Variants in GRIK4 observed in about 807,000 individuals in gnomAD.
GRIK4 encodes the protein glutamate receptor ionotropic, kainate 4.
Under a neutral mutation model 104.9 loss-of-function variants are expected in GRIK4, and 40 were observed. That is an observed-to-expected ratio of 0.38 (90% CI 0.30 to 0.50). The LOEUF is 0.50. Ranked by LOEUF, GRIK4 falls within the 20% of genes least tolerant of loss-of-function variation. GRIK4 has a pLI of 0.93. For missense variants in GRIK4, 1,047 were observed against 1,308.1 expected, an observed-to-expected ratio of 0.80 and a Z score of 3.08; for synonymous variants, 485 against 524.9, an observed-to-expected ratio of 0.92 and a Z score of 1.04.
intron 1 of GRIK4, among the ~76,000 whole-genome samples, chr11:120,552,658 G>A (rs1474942598): frequency 6.6e-6 from 1 of 152,146 alleles, no homozygotes; most frequent in Non-Finnish European, 1.5e-5. Flanking sequence ...CATGGAGAGG[G>A]TGGATAGCTG....
chr11:120,893,529 T>C (rs1415191809), intron 11 of GRIK4, among the ~76,000 whole-genome samples: 2 of 152,226 alleles, frequency 1.3e-5, no homozygotes, highest in Non-Finnish European at 2.9e-5. Flanking sequence ...TTAACTTATC[T>C]GGACCCTGCT....
chr11:120,772,166 G>A (rs1184714005), intron 3 of GRIK4, among the ~76,000 whole-genome samples: 1 of 152,208 alleles, frequency 6.6e-6, no homozygotes, highest in Admixed American at 6.5e-5. Context: ...AGCGGCCAGA[G>A]CCTTGAGTCA....
chr11:120,820,889 T>G (rs1202713616), intron 6 of GRIK4, among the ~76,000 whole-genome samples: 1 of 152,246 alleles, frequency 6.6e-6, no homozygotes, highest in Non-Finnish European at 1.5e-5. Context: ...GGCATGTGCT[T>G]TAATTCATTT....
At chr11:120,627,289 A>G (rs1949272994) in intron 1 of GRIK4, among the ~76,000 whole-genome samples, 1 of 152,258 alleles carries the variant, frequency 6.6e-6, no homozygotes, top group Non-Finnish European at 1.5e-5. Flanking sequence ...AACTGATTTT[A>G]GATGGGAACC....
At chr11:120,700,624 A>G (rs935286381) in intron 3 of GRIK4, among the ~76,000 whole-genome samples, 1 of 151,886 alleles carries the variant, frequency 6.6e-6, no homozygotes, top group African/African-American at 2.4e-5. Context: ...ATGTCTGGCT[A>G]ATTTTTGTAT....
At position 120,860,874 on chromosome 11, in the gene GRIK4, C is replaced by T. The variant is rs765243776; in HGVS notation, c.745-1085C>T. Reference sequence around the variant, plus strand: ...CCCATCACACATAGGACAAAGGGCACATTCCCAAGCCTGGCATCCTGACTC... The same window carrying T: ...CCCATCACACATAGGACAAAGGGCATATTCCCAAGCCTGGCATCCTGACTC... On this transcript the variant is annotated intron_variant, in intron 8 of 20. Coordinates refer to ENST00000527524, the MANE Select transcript of GRIK4 (RefSeq NM_014619.5). Among the ~76,000 whole-genome samples, 4 of 152,268 alleles carry T rather than the reference C, an allele frequency of 2.6e-5. No individual in the cohort carries two copies. The East Asian group carries it at 7.7e-4, about 29-fold the overall frequency.
chr11:120,578,851 G>A (rs1011212989), intron 1 of GRIK4, among the ~76,000 whole-genome samples: 4 of 152,324 alleles, frequency 2.6e-5, no homozygotes, highest in African/African-American at 4.8e-5. Context: ...ACTCAGAGAC[G>A]GAGGTGGGGA....
rs1011145609 is a variant in GRIK4, at chr11:120,547,141, C to T, written c.-159+35254C>T. On this transcript the variant is annotated intron_variant, in intron 1 of 20. Coordinates refer to ENST00000527524, the MANE Select transcript of GRIK4 (RefSeq NM_014619.5). ...GACTTGAAGTCCCCTTCCCTCTCTT[C>T]CCTCCACTCATCCTCAGGAGCCAGC... 9.9e-5 allele frequency among the ~76,000 whole-genome samples: 15 copies of T among 152,220 alleles called. No homozygotes were observed. In the East Asian group the frequency reaches 1.5e-3, roughly 16 times the overall value.
chr11:120,522,799 A>G (rs921630352), intron 1 of GRIK4, among the ~76,000 whole-genome samples: 2 of 152,316 alleles, frequency 1.3e-5, no homozygotes, highest in East Asian at 1.9e-4. Flanking sequence ...GCCTAGAGAA[A>G]TGTCCAAGGC....
At chr11:120,901,518 C>T (rs1171643644) in intron 12 of GRIK4, among the ~76,000 whole-genome samples, 1 of 152,180 alleles carries the variant, frequency 6.6e-6, no homozygotes. Context: ...TTTTCCCTGC[C>T]CCCTCCCATT....
rs899221982 is a variant in GRIK4 at position 120,952,126 on chromosome 11, T to C, written c.1591-729T>C. ...GCCCAGGATTCCATTCCTGGCTCCA[T>C]TGTCTGGCTCACAGGACTCTGGCCA... On this transcript the variant is annotated intron_variant, in intron 14 of 20. Coordinates refer to ENST00000527524, the MANE Select transcript of GRIK4 (RefSeq NM_014619.5). This position sits in a 1 kb window ranked among gnomAD's most constrained non-coding sequence, Gnocchi z 5.2. 5.5e-4 allele frequency among the ~76,000 whole-genome samples: 83 copies of C among 152,286 alleles called. No homozygotes were observed. The highest frequency in any genetic ancestry group is 1.9e-3 in the African/African-American group (78 of 41,554).
At chr11:120,849,673 G>C (rs923149763) in intron 8 of GRIK4, among the ~76,000 whole-genome samples, 1 of 152,222 alleles carries the variant, frequency 6.6e-6, no homozygotes, top group African/African-American at 2.4e-5. Flanking sequence ...GCTCAGAGAT[G>C]TTCAAGGGTC....
intron 1 of GRIK4, among the ~76,000 whole-genome samples, chr11:120,624,938 A>T (rs1350114646): frequency 2.0e-5 from 3 of 152,212 alleles, no homozygotes; most frequent in African/African-American, 4.8e-5. Flanking sequence ...CGCACCTGGT[A>T]TGAAAATTAT....
chr11:120,635,218 C>T (rs571091552), intron 1 of GRIK4, among the ~76,000 whole-genome samples: 1 of 152,334 alleles, frequency 6.6e-6, no homozygotes, highest in Admixed American at 6.5e-5. Flanking sequence ...CACCCCAACC[C>T]CTTCCCCACT....
chr11:120,516,385 G>C (rs1214603362), intron 1 of GRIK4, among the ~76,000 whole-genome samples: 1 of 152,186 alleles, frequency 6.6e-6, no homozygotes, highest in Non-Finnish European at 1.5e-5. Flanking sequence ...GATGAGGGGA[G>C]AGAGGATGAT....
Position 120,684,160 on chromosome 11 carries a change from AC to A in GRIK4, c.82+23761del, listed in dbSNP as rs576906469. Among the ~76,000 whole-genome samples, 141 of 152,222 alleles carry A rather than the reference AC, an allele frequency of 9.3e-4. 2 individuals carry two copies. The highest frequency in any genetic ancestry group is 3.0e-3 in the African/African-American group (123 of 41,542). ...GGCAACATAGGGAGACCCTGGCTCT[AC>A]AAAAAAATAAAATTAGTTGGGCGTA... On this transcript the variant is annotated intron_variant, in intron 3 of 20. Transcript: ENST00000527524.
In GRIK4 at chr11:120,736,404, G is replaced by T. The variant is rs536005383; in HGVS notation, c.83-66289G>T. 3.0e-4 allele frequency among the ~76,000 whole-genome samples: 46 copies of T among 151,742 alleles called. 1 individual carries two copies. The South Asian group carries it at 9.4e-3, about 31-fold the overall frequency. ...CCAGCTGTGCTGAGTGGGGTTGGGGGACCAAGCACTCCCTTGGTCACTTCG... is the reference window on the plus strand; with the variant it reads ...CCAGCTGTGCTGAGTGGGGTTGGGGTACCAAGCACTCCCTTGGTCACTTCG... On this transcript the variant is annotated intron_variant, in intron 3 of 20. Transcript: ENST00000527524.
intron 2 of GRIK4, among the ~76,000 whole-genome samples, chr11:120,659,254 G>A (rs1195880244): frequency 6.6e-6 from 1 of 152,152 alleles, no homozygotes; most frequent in African/African-American, 2.4e-5. Context: ...CCCACCTCAG[G>A]AAGGAGGAGA....
chr11:120,701,616 C>T (rs947708396), intron 3 of GRIK4, among the ~76,000 whole-genome samples: 2 of 152,318 alleles, frequency 1.3e-5, no homozygotes, highest in African/African-American at 4.8e-5. Context: ...GTGATTCCAT[C>T]TCCTGTGTGT....
Sources: gnomAD v4.1 joint callset for allele counts (sites outside exome capture counted in the v4.1 genomes callset) on GRCh38, gnomAD v4.1.1 for gene constraint, Gnocchi (gnomAD v3.1) non-coding constraint, MANE v1.5 for transcripts, NCBI Gene and HGNC (gene_info 2026-07-23, HGNC 2026-07-21) for gene names.